CBLB: variants seen among roughly 807,000 people sequenced by gnomAD.
The protein encoded by CBLB is Cbl proto-oncogene B.
Under a neutral mutation model 104.9 loss-of-function variants are expected in CBLB, and 31 were observed. The observed-to-expected ratio is 0.30, with a 90% confidence interval of 0.22 to 0.40. CBLB has a LOEUF of 0.40. Among genes scored for constraint, CBLB ranks in the 10% least tolerant of loss-of-function variants. CBLB has a pLI of 1.00. For synonymous variants in CBLB, 440 were observed against 422.6 expected, an observed-to-expected ratio of 1.04 and a Z score of -0.51; for missense variants, 1,062 against 1,214.6, an observed-to-expected ratio of 0.87 and a Z score of 1.87.
chr3:105,726,527 A>G (rs2073658073), intron 9 of CBLB, among the ~76,000 whole-genome samples: 1 of 150,836 alleles, frequency 6.6e-6, no homozygotes, highest in African/African-American at 2.4e-5. Flanking sequence ...TCCATTCAGG[A>G]GCTCAAAAGC....
chr3:105,798,276 T>C (rs1200466728), intron 3 of CBLB, among the ~76,000 whole-genome samples: 2 of 152,204 alleles, frequency 1.3e-5, no homozygotes, highest in African/African-American at 2.4e-5. Context: ...CCCATTTGAA[T>C]GTATTACTTA....
At chr3:105,780,670 T>TTTTTTTTTTTTTTTTTTTTTTTTG (rs1560209728) in intron 3 of CBLB, among the ~76,000 whole-genome samples, 10 of 135,208 alleles carry the variant, frequency 7.4e-5, no homozygotes, top group Non-Finnish European at 9.5e-5. Context: ...GTTTTTTTTT[T>TTTTTTTTTTTTTTTTTTTTTTTTG]TTTTTTTTTT....
At chr3:105,678,250 TG>T (rs2065886576) in intron 17 of CBLB, among the ~76,000 whole-genome samples, 180 bp downstream of exon 17, 1 of 152,198 alleles carries the variant, frequency 6.6e-6, no homozygotes. Flanking sequence ...GTAATTATGT[TG>T]GCATTAAACC....
At chr3:105,675,491 G>A (rs553534256) in intron 17 of CBLB, among the ~76,000 whole-genome samples, 2 of 152,198 alleles carry the variant, frequency 1.3e-5, no homozygotes, top group African/African-American at 4.8e-5. Context: ...TATGCTCTAT[G>A]ATATGCAATA....
chr3:105,775,918 T>C (rs2079404173), intron 4 of CBLB, among the ~76,000 whole-genome samples: 1 of 152,156 alleles, frequency 6.6e-6, no homozygotes, highest in African/African-American at 2.4e-5. Context: ...CTCACCTCGA[T>C]TTCAGACCTT....
intron 3 of CBLB, among the ~76,000 whole-genome samples, chr3:105,847,392 C>CCACACACACACACACACACA (rs112192218): frequency 2.1e-5 from 3 of 143,438 alleles, no homozygotes; most frequent in Non-Finnish European, 4.6e-5. Context: ...TAACCCTCCA[C>CCACACACACACACACACACA]CACACACACA....
chr3:105,703,867 C>T (rs1260552003), intron 11 of CBLB, 121 bp downstream of exon 11: 4 of 837,650 alleles, frequency 4.8e-6, no homozygotes, highest in Non-Finnish European at 7.8e-6. Flanking sequence ...AAACGAGAAA[C>T]TCATCAAACT....
intron 4 of CBLB, among the ~76,000 whole-genome samples, chr3:105,765,714 T>G (rs188781973): frequency 3.6e-4 from 55 of 152,302 alleles, no homozygotes; most frequent in Admixed American, 3.6e-3. Context: ...AAGCCTACTG[T>G]TGAGATATGC....
At chr3:105,818,964 T>C (rs1197628806) in intron 3 of CBLB, among the ~76,000 whole-genome samples, 2 of 152,320 alleles carry the variant, frequency 1.3e-5, no homozygotes, top group South Asian at 2.1e-4. Context: ...AACTCAACTA[T>C]CCCTGACTTA....
chr3:105,779,815 T>C (rs2079951721), intron 3 of CBLB, among the ~76,000 whole-genome samples: 1 of 152,198 alleles, frequency 6.6e-6, no homozygotes, highest in Non-Finnish European at 1.5e-5. Context: ...CTATGTAGTA[T>C]GTGCTTTCTT....
chr3:105,687,440 T>A (rs2067152191), intron 13 of CBLB, among the ~76,000 whole-genome samples: 1 of 152,090 alleles, frequency 6.6e-6, no homozygotes, highest in Admixed American at 6.5e-5. Flanking sequence ...CACAAATCAG[T>A]AGATTATTTC....
intron 5 of CBLB, among the ~76,000 whole-genome samples, chr3:105,748,709 T>G (rs992003046): frequency 6.6e-6 from 1 of 152,184 alleles, no homozygotes; most frequent in African/African-American, 2.4e-5. Flanking sequence ...ATCCCTCCAG[T>G]GACTCCCAAG....
At chr3:105,749,320 A>G (rs943552207) in intron 5 of CBLB, among the ~76,000 whole-genome samples, 3 of 152,200 alleles carry the variant, frequency 2.0e-5, no homozygotes, top group African/African-American at 4.8e-5. Context: ...AGCCCAGGTA[A>G]GATTTTCATT....
At chr3:105,814,451 A>G (rs1185471613) in intron 3 of CBLB, among the ~76,000 whole-genome samples, 1 of 152,206 alleles carries the variant, frequency 6.6e-6, no homozygotes, top group East Asian at 1.9e-4. Flanking sequence ...TGATGCTACA[A>G]AACTAAAATT....
chr3:105,677,040 G>T (rs1401951984), intron 17 of CBLB, among the ~76,000 whole-genome samples: 1 of 152,088 alleles, frequency 6.6e-6, no homozygotes, highest in Non-Finnish European at 1.5e-5. Context: ...CTAGTCTTGG[G>T]TAGTGCTTTT....
chr3:105,868,203 C>T, intron 1 of CBLB: 1 of 1,232,568 alleles, frequency 8.1e-7, no homozygotes, highest in Non-Finnish European at 1.0e-6. Flanking sequence ...TCGTTATTCC[C>T]AAGAACCAAA....
At chr3:105,729,657 G>A (rs2074089997) in intron 9 of CBLB, among the ~76,000 whole-genome samples, 1 of 151,952 alleles carries the variant, frequency 6.6e-6, no homozygotes, top group Admixed American at 6.6e-5. Flanking sequence ...AATATTTTGT[G>A]GAACTATGAA....
chr3:105,699,819 G>A (rs1411696036), intron 12 of CBLB, among the ~76,000 whole-genome samples: 2 of 152,114 alleles, frequency 1.3e-5, no homozygotes, highest in Non-Finnish European at 2.9e-5. Flanking sequence ...CACTCCAGAA[G>A]TTAAACAATT....
chr3:105,683,275 C>G (rs2066550930), intron 14 of CBLB, among the ~76,000 whole-genome samples: 1 of 152,088 alleles, frequency 6.6e-6, no homozygotes, highest in Non-Finnish European at 1.5e-5. Flanking sequence ...AAAATACACA[C>G]AGGGAAAGAA....
Sources: allele counts gnomAD v4.1 joint callset (sites outside exome capture counted in the v4.1 genomes callset), GRCh38; gene constraint gnomAD v4.1.1; transcripts MANE v1.5; gene names NCBI Gene and HGNC (gene_info 2026-07-23, HGNC 2026-07-21).